KHDRBS2: variants seen among roughly 807,000 people sequenced by gnomAD.
KHDRBS2 encodes the protein KH domain-containing, RNA-binding, signal transduction-associated protein 2.
A neutral mutation model predicts 44.3 loss-of-function variants in KHDRBS2; 26 were observed. The ratio of observed to expected loss-of-function variants is 0.59; its 90% CI spans 0.43 to 0.81. The LOEUF (loss-of-function observed/expected upper bound fraction) is 0.81. Ranked by LOEUF, KHDRBS2 falls within the 40% of genes least tolerant of loss-of-function variation. KHDRBS2 has a pLI of 0.00. For missense variants in KHDRBS2, 476 were observed against 433.1 expected, an observed-to-expected ratio of 1.10 and a Z score of -0.88; for synonymous variants, 194 against 151.1, an observed-to-expected ratio of 1.28 and a Z score of -2.08.
chr6:62,271,132 C>A (rs535345457), intron 1 of KHDRBS2, among the ~76,000 whole-genome samples: 1 of 152,020 alleles, frequency 6.6e-6, no homozygotes, highest in South Asian at 2.1e-4. Context: ...AGTATACATA[C>A]ATATATACAC....
At chr6:61,825,119 T>A (rs1562253459) in intron 6 of KHDRBS2, among the ~76,000 whole-genome samples, 1 of 152,186 alleles carries the variant, frequency 6.6e-6, no homozygotes, top group Non-Finnish European at 1.5e-5. Context: ...GGAAATTATT[T>A]CATTAGACAA....
intron 2 of KHDRBS2, among the ~76,000 whole-genome samples, chr6:62,101,972 T>C (rs75730436): frequency 0.08 from 12,248 of 152,250 alleles, 529 homozygotes; most frequent in African/African-American, 0.11. Context: ...TTTACTCATA[T>C]CTGTGGATCT....
intron 3 of KHDRBS2, among the ~76,000 whole-genome samples, chr6:62,031,374 T>G (rs1409470594): frequency 6.6e-6 from 1 of 151,920 alleles, no homozygotes; most frequent in Non-Finnish European, 1.5e-5. Flanking sequence ...AAAAGTGCAG[T>G]GAAAAGTAAG....
At chr6:61,555,359 T>C in the KHDRBS2 span, among the ~76,000 whole-genome samples, 3 of 152,234 alleles carry the variant, frequency 2.0e-5, no homozygotes, top group Non-Finnish European at 2.9e-5. Context: ...CTTTGTCAGT[T>C]CAGTTTGTTT....
chr6:61,941,888 A>G (rs1466366784), intron 4 of KHDRBS2, among the ~76,000 whole-genome samples: 1 of 152,216 alleles, frequency 6.6e-6, no homozygotes, highest in Non-Finnish European at 1.5e-5. Context: ...CAACGAACAT[A>G]ATAATACTCC....
At chr6:61,750,597 T>G (rs1210180294) in intron 6 of KHDRBS2, among the ~76,000 whole-genome samples, 1 of 152,132 alleles carries the variant, frequency 6.6e-6, no homozygotes, top group African/African-American at 2.4e-5. Flanking sequence ...TCTACCACAT[T>G]TCTTGGGAAA....
chr6:62,280,999 G>A (rs1013715228), intron 1 of KHDRBS2, among the ~76,000 whole-genome samples: 2 of 152,166 alleles, frequency 1.3e-5, no homozygotes, highest in African/African-American at 4.8e-5. Flanking sequence ...TAAAACAGAT[G>A]ATGAAATCAC....
intron 2 of KHDRBS2, among the ~76,000 whole-genome samples, chr6:62,076,971 A>G (rs768699782): frequency 6.6e-6 from 1 of 151,888 alleles, no homozygotes; most frequent in Non-Finnish European, 1.5e-5. Context: ...ACATGAGTCC[A>G]AGAGTTGAAG....
intron 6 of KHDRBS2, among the ~76,000 whole-genome samples, chr6:61,791,892 T>C (rs73476605): frequency 0.031 from 4,700 of 151,604 alleles, 266 homozygotes; most frequent in African/African-American, 0.11. Context: ...TTAGTCCATT[T>C]ATAACTATTA....
At chr6:61,677,882 C>T (rs1766032732), downstream of KHDRBS2, among the ~76,000 whole-genome samples, 1 of 151,898 alleles carries the variant, frequency 6.6e-6, no homozygotes, top group Non-Finnish European at 1.5e-5. Context: ...GAATGAGCTA[C>T]TCCTTTCCTT....
chr6:61,723,454 G>T (rs1167408141), intron 7 of KHDRBS2, among the ~76,000 whole-genome samples: 1 of 152,058 alleles, frequency 6.6e-6, no homozygotes, highest in Admixed American at 6.6e-5. Context: ...AAAGGAGCAA[G>T]CTGTAAAACA....
chr6:61,842,371 C>T (rs573610961), intron 6 of KHDRBS2, among the ~76,000 whole-genome samples: 3 of 152,162 alleles, frequency 2.0e-5, no homozygotes, highest in Non-Finnish European at 2.9e-5. Context: ...GAGACACAAA[C>T]ATACATTCAA....
intron 2 of KHDRBS2, among the ~76,000 whole-genome samples, chr6:62,072,700 C>T (rs1211711243): frequency 5.3e-5 from 8 of 152,132 alleles, no homozygotes; most frequent in Non-Finnish European, 4.4e-5. Flanking sequence ...TCCACTTGAT[C>T]ATGGTGGATA....
At chr6:61,603,156 G>A in the KHDRBS2 span, among the ~76,000 whole-genome samples, 2 of 152,182 alleles carry the variant, frequency 1.3e-5, no homozygotes, top group South Asian at 2.1e-4. Context: ...TTACAGCATG[G>A]CCTTTTAAAG....
the KHDRBS2 span, among the ~76,000 whole-genome samples, chr6:61,548,830 T>C: frequency 6.6e-6 from 1 of 152,114 alleles, no homozygotes; most frequent in Admixed American, 6.6e-5. Context: ...CATTGGCCAT[T>C]AATATCAACC....
intron 2 of KHDRBS2, among the ~76,000 whole-genome samples, chr6:62,104,911 GA>G (rs1346827162): frequency 7.2e-5 from 11 of 152,046 alleles, no homozygotes; most frequent in African/African-American, 2.6e-4. Context: ...TGTAATGAAA[GA>G]AAAGGAAAGA....
At chr6:62,121,125 T>C (rs1044135224) in intron 2 of KHDRBS2, among the ~76,000 whole-genome samples, 15 of 152,124 alleles carry the variant, frequency 9.9e-5, no homozygotes, top group African/African-American at 2.7e-4. Context: ...CTGTGGTCAT[T>C]TCCTCAGTGC....
the KHDRBS2 span, among the ~76,000 whole-genome samples, chr6:61,576,906 C>G: frequency 6.6e-6 from 1 of 152,128 alleles, no homozygotes; most frequent in Admixed American, 6.6e-5. Context: ...CTTAGCTTGA[C>G]TACTTTGTTT....
At chr6:62,132,331 C>T (rs1395238371) in intron 2 of KHDRBS2, among the ~76,000 whole-genome samples, 2 of 152,080 alleles carry the variant, frequency 1.3e-5, no homozygotes, top group East Asian at 3.9e-4. Context: ...GAGTAAATAC[C>T]TTAAGGTTGT....
Sources: gnomAD v4.1 joint callset for allele counts (sites outside exome capture counted in the v4.1 genomes callset) on GRCh38, gnomAD v4.1.1 for gene constraint, MANE v1.5 for transcripts, NCBI Gene and HGNC (gene_info 2026-07-23, HGNC 2026-07-21) for gene names.